LHFPL3: variants seen among roughly 807,000 people sequenced by gnomAD.
LHFPL3 encodes LHFPL tetraspan subfamily member 3.
Under a neutral mutation model 19.3 loss-of-function variants are expected in LHFPL3, and 5 were observed. The observed-to-expected ratio is 0.26, with a 90% CI of 0.14 to 0.54. The LOEUF (loss-of-function observed/expected upper bound fraction) is 0.54. LHFPL3 is among the 20% of genes least tolerant of loss of function. The probability of loss-of-function intolerance (pLI) is 0.94; values close to 1 mark genes in which losing one functional copy is unlikely to be tolerated. For missense variants in LHFPL3, 249 were observed against 307.4 expected (o/e 0.81, Z 1.42); for synonymous variants, 133 against 126.2 (o/e 1.05, Z -0.36).
chr7:104,528,312 T>C (rs1227666052), intron 1 of LHFPL3, among the ~76,000 whole-genome samples: 1 of 152,202 alleles, frequency 6.6e-6, no homozygotes, highest in African/African-American at 2.4e-5. Context: ...TTTGGAGTTA[T>C]GTAAATAGAA....
intron 1 of LHFPL3, among the ~76,000 whole-genome samples, chr7:104,472,526 T>C (rs1380415976): frequency 2.0e-5 from 3 of 152,182 alleles, no homozygotes; most frequent in Non-Finnish European, 4.4e-5. Flanking sequence ...CATGCATAGA[T>C]TTCCAGGCCC....
At chr7:104,517,081 G>C (rs1182382870) in intron 1 of LHFPL3, among the ~76,000 whole-genome samples, 1 of 152,122 alleles carries the variant, frequency 6.6e-6, no homozygotes, top group African/African-American at 2.4e-5. Flanking sequence ...TTATAAGTGG[G>C]AGTTAAATGA....
chr7:104,440,489 A>C (rs1186438311), intron 1 of LHFPL3, among the ~76,000 whole-genome samples: 2 of 151,934 alleles, frequency 1.3e-5, no homozygotes, highest in Admixed American at 6.6e-5. Flanking sequence ...GGTGCAGCAC[A>C]CCAGCATGGC....
chr7:104,786,825 A>G (rs1289791068), intron 2 of LHFPL3, among the ~76,000 whole-genome samples: 1 of 152,142 alleles, frequency 6.6e-6, no homozygotes, highest in African/African-American at 2.4e-5. Context: ...CACAAGTTTA[A>G]TTACCAAAAT....
chr7:104,891,357 G>T (rs1792242724), intron 2 of LHFPL3, among the ~76,000 whole-genome samples: 1 of 152,026 alleles, frequency 6.6e-6, no homozygotes, highest in Admixed American at 6.6e-5. Flanking sequence ...GGAAGGGCAA[G>T]CAGGCGTGCG....
At chr7:104,740,181 C>T (rs1793906746) in intron 2 of LHFPL3, among the ~76,000 whole-genome samples, 1 of 152,270 alleles carries the variant, frequency 6.6e-6, no homozygotes, top group East Asian at 1.9e-4. Flanking sequence ...TTTCCTGAGG[C>T]CTCCCCAGCA....
chr7:104,498,964 A>G (rs1034084260), intron 1 of LHFPL3, among the ~76,000 whole-genome samples: 12 of 152,186 alleles, frequency 7.9e-5, no homozygotes, highest in African/African-American at 2.9e-4. Flanking sequence ...AAATGTTCAA[A>G]GATTTTTTTT....
chr7:104,330,285 T>A (rs1801544230), intron 1 of LHFPL3, among the ~76,000 whole-genome samples: 1 of 152,230 alleles, frequency 6.6e-6, no homozygotes, highest in African/African-American at 2.4e-5. Context: ...GAGGTCCTTT[T>A]GATTTTATGG....
chr7:104,464,533 C>T (rs1369500918), intron 1 of LHFPL3, among the ~76,000 whole-genome samples: 4 of 152,264 alleles, frequency 2.6e-5, no homozygotes, highest in African/African-American at 7.2e-5. Flanking sequence ...GACATCCAGG[C>T]ATTTCCATGC....
At chr7:104,441,570 ATTTT>A (rs142336017) in intron 1 of LHFPL3, among the ~76,000 whole-genome samples, 10,403 of 151,768 alleles carry the variant, frequency 0.069, 471 homozygotes, top group Middle Eastern at 0.12. Flanking sequence ...TGAGATCCTG[ATTTT>A]TTTATTTATT....
intron 1 of LHFPL3, among the ~76,000 whole-genome samples, chr7:104,437,769 C>T (rs2116574353): frequency 6.6e-6 from 1 of 152,248 alleles, no homozygotes. Context: ...CTCTGGGGGC[C>T]TGCCCTCAGC....
chr7:104,431,953 G>T (rs1792011707), intron 1 of LHFPL3, among the ~76,000 whole-genome samples: 1 of 152,184 alleles, frequency 6.6e-6, no homozygotes. Context: ...AGGGGCCAAT[G>T]AACCTTGCTG....
At chr7:104,771,305 A>T (rs956632052) in intron 2 of LHFPL3, among the ~76,000 whole-genome samples, 3 of 152,122 alleles carry the variant, frequency 2.0e-5, no homozygotes, top group African/African-American at 7.2e-5. Context: ...GTTTCATTTC[A>T]TTTCGTTTCA....
chr7:104,709,052 C>T (rs1019785337), intron 1 of LHFPL3, among the ~76,000 whole-genome samples: 12 of 152,038 alleles, frequency 7.9e-5, no homozygotes, highest in African/African-American at 2.7e-4. Flanking sequence ...CTGACAAGAA[C>T]TCCCTTAACT....
intron 2 of LHFPL3, among the ~76,000 whole-genome samples, chr7:104,897,085 CAA>C (rs77289055): frequency 4.0e-5 from 5 of 123,842 alleles, no homozygotes; most frequent in Admixed American, 8.2e-5. Flanking sequence ...GACTCCATCT[CAA>C]AAAAAAAAAA....
intron 1 of LHFPL3, among the ~76,000 whole-genome samples, chr7:104,541,665 T>TAGC (rs1278855079): frequency 6.6e-6 from 1 of 152,186 alleles, no homozygotes; most frequent in Non-Finnish European, 1.5e-5. Context: ...ATTAAGTGTA[T>TAGC]AGCAGCAAGA....
chr7:104,546,766 G>A (rs1297601698), intron 1 of LHFPL3, among the ~76,000 whole-genome samples: 2 of 152,144 alleles, frequency 1.3e-5, no homozygotes, highest in African/African-American at 4.8e-5. Context: ...GGAGACCTGG[G>A]TTGAAATCCT....
intron 1 of LHFPL3, among the ~76,000 whole-genome samples, chr7:104,443,628 A>T (rs964202509): frequency 3.3e-5 from 5 of 152,260 alleles, no homozygotes; most frequent in African/African-American, 9.6e-5. Flanking sequence ...GCTGTAAAAA[A>T]TTCCATAATC....
At chr7:104,590,240 G>A (rs916863656) in intron 1 of LHFPL3, among the ~76,000 whole-genome samples, 1 of 151,968 alleles carries the variant, frequency 6.6e-6, no homozygotes, top group Non-Finnish European at 1.5e-5. Flanking sequence ...GCTTTCTCTT[G>A]TGGACATTTA....
Sources: gnomAD v4.1 joint callset for allele counts (sites outside exome capture counted in the v4.1 genomes callset) on GRCh38, gnomAD v4.1.1 for gene constraint, MANE v1.5 for transcripts, NCBI Gene and HGNC (gene_info 2026-07-23, HGNC 2026-07-21) for gene names.